ATIC: variants seen among roughly 807,000 people sequenced by gnomAD.
ATIC encodes the protein 5-aminoimidazole-4-carboxamide ribonucleotide formyltransferase/IMP cyclohydrolase, also known as bifunctional purine biosynthesis protein ATIC.
Under a neutral mutation model 72.5 loss-of-function variants are expected in ATIC, and 64 were observed. That is an observed-to-expected ratio of 0.88 (90% confidence interval 0.72 to 1.09). The LOEUF (loss-of-function observed/expected upper bound fraction) is 1.09, where lower values mean the gene tolerates loss of function less well. ATIC is among the 50% of genes least tolerant of loss of function. The pLI, the probability that ATIC is intolerant of heterozygous loss-of-function variation, is 0.00. For missense variants in ATIC, 787 were observed against 732.4 expected (o/e 1.07, Z -0.86); for synonymous variants, 281 against 267.1 (o/e 1.05, Z -0.51).
At chr2:215,351,637 T>C (rs749980151), downstream of ATIC, among the ~76,000 whole-genome samples, 2 of 152,094 alleles carry the variant, frequency 1.3e-5, no homozygotes, top group Non-Finnish European at 2.9e-5. Flanking sequence ...GTTTGTAGTA[T>C]TCTTCACATA....
chr2:215,347,440 G>T (rs942471620), intron 14 of ATIC, among the ~76,000 whole-genome samples: 35 of 152,222 alleles, frequency 2.3e-4, no homozygotes, highest in African/African-American at 7.9e-4. Flanking sequence ...TTTGAAGAAG[G>T]TATGTGGGAA....
the ATIC span, among the ~76,000 whole-genome samples, chr2:215,358,194 G>C: frequency 6.7e-6 from 1 of 149,728 alleles, no homozygotes; most frequent in African/African-American, 2.4e-5. Context: ...GATTATTAGA[G>C]CTGAAAACAA....
chr2:215,339,630 T>G (rs569022903), intron 12 of ATIC, among the ~76,000 whole-genome samples: 15 of 152,030 alleles, frequency 9.9e-5, no homozygotes, highest in Middle Eastern at 3.4e-3. Context: ...TTGATTGATT[T>G]ATTTTTTTAT....
At chr2:215,362,795 G>A in the ATIC span, 1 of 152,662 alleles carries the variant, frequency 6.6e-6, no homozygotes, top group South Asian at 2.1e-4. Flanking sequence ...AAGCTGGCAG[G>A]GGGTAAAGCA....
chr2:215,348,320 G>A (rs1253308603), intron 14 of ATIC, among the ~76,000 whole-genome samples: 1 of 152,078 alleles, frequency 6.6e-6, no homozygotes, highest in East Asian at 1.9e-4. Flanking sequence ...TGGATATAGA[G>A]GGTTTTTTTG....
chr2:215,329,513 G>T (rs552171156), intron 7 of ATIC, among the ~76,000 whole-genome samples: 1 of 152,218 alleles, frequency 6.6e-6, no homozygotes, highest in African/African-American at 2.4e-5. Context: ...TTGAGTATTT[G>T]GCAGTGATGT....
intron 12 of ATIC, among the ~76,000 whole-genome samples, chr2:215,340,763 G>A (rs2053010620): frequency 6.6e-6 from 1 of 152,130 alleles, no homozygotes; most frequent in South Asian, 2.1e-4. Flanking sequence ...GCTGAACTCG[G>A]CTTTTGTCCC....
chr2:215,334,092 A>G (rs1002915521), intron 9 of ATIC, among the ~76,000 whole-genome samples: 19 of 150,882 alleles, frequency 1.3e-4, no homozygotes, highest in Admixed American at 9.3e-4. Flanking sequence ...TGGAAACACA[A>G]TTGGAATTTG....
At chr2:215,334,845 C>T in intron 9 of ATIC, 74 bp from the exon 10 acceptor site, 4 of 1,180,566 alleles carry the variant, frequency 3.4e-6, no homozygotes, top group South Asian at 2.5e-5. Context: ...TTTTATATGA[C>T]AGTGGAGAAT....
chr2:215,324,619 G>A (rs1446030404), intron 4 of ATIC, among the ~76,000 whole-genome samples: 1 of 152,092 alleles, frequency 6.6e-6, no homozygotes, highest in South Asian at 2.1e-4. Context: ...GGCTTGTTTG[G>A]AGCCTGCCCG....
chr2:215,342,888 C>T (rs2053034861), intron 12 of ATIC, among the ~76,000 whole-genome samples: 1 of 152,200 alleles, frequency 6.6e-6, no homozygotes, highest in African/African-American at 2.4e-5. Context: ...CCATGTTGGT[C>T]AGGCTGGTCT....
chr2:215,367,558 G>A, the ATIC span: 1,037 of 399,138 alleles, frequency 2.6e-3, 6 homozygotes, highest in Non-Finnish European at 3.9e-3. Flanking sequence ...AATAGACCTG[G>A]TTCCAAAAGT....
intron 15 of ATIC, 128 bp from the exon 16 acceptor site, chr2:215,349,408 A>C (rs1054924111): frequency 6.3e-7 from 1 of 1,578,046 alleles, no homozygotes; most frequent in Non-Finnish European, 8.6e-7. Flanking sequence ...GGAGAACCCA[A>C]ATCCTGTTGT....
At chr2:215,318,294 A>G in intron 3 of ATIC, 61 bp downstream of exon 3, 9 of 1,449,090 alleles carry the variant, frequency 6.2e-6, no homozygotes, top group Non-Finnish European at 8.7e-6. Context: ...ATTTTAGTTG[A>G]TAGCGTCCTA....
At chr2:215,322,329 C>CTTT (rs762086501) in intron 4 of ATIC, among the ~76,000 whole-genome samples, 1,614 of 137,222 alleles carry the variant, frequency 0.012, 46 homozygotes, top group African/African-American at 0.042. Context: ...TATTTTCTTT[C>CTTT]TTTTTTTTTT....
chr2:215,357,592 C>T, the ATIC span, among the ~76,000 whole-genome samples: 4 of 152,114 alleles, frequency 2.6e-5, no homozygotes, highest in Non-Finnish European at 5.9e-5. Context: ...CGGCTGAAGC[C>T]CTGTTTCTCT....
At chr2:215,325,413 G>A (rs2052812335) in intron 5 of ATIC, 84 bp downstream of exon 5, 1 of 1,016,898 alleles carries the variant, frequency 9.8e-7, no homozygotes, top group Non-Finnish European at 1.5e-6. Flanking sequence ...TTTTATTACT[G>A]AGGAAATAGA....
At chr2:215,316,169 G>A (rs1485902642) in intron 2 of ATIC, among the ~76,000 whole-genome samples, 1 of 152,106 alleles carries the variant, frequency 6.6e-6, no homozygotes, top group Non-Finnish European at 1.5e-5. Flanking sequence ...CAAAGGAGTA[G>A]CAAGCTTTTT....
In ATIC at chr2:215,312,527, C is replaced by G; in HGVS notation, c.49C>G (p.Leu17Val). The change falls in exon 2 of 16, where the codon CTT becomes GTT. Residue 17 changes from leucine to valine, a missense_variant. Leu to Val is a conservative substitution (Grantham distance 32, BLOSUM62 1). Transcript: ENST00000236959. ...ALFSVSDKTG[L>V]VEFARNLTAL... Reference sequence around the variant, plus strand: ...ATTTAGTGTCTCTGACAAAACCGGCCTTGTGGAATTTGCAAGAAACCTGAC... The same window carrying G: ...ATTTAGTGTCTCTGACAAAACCGGCGTTGTGGAATTTGCAAGAAACCTGAC... 2 of 1,614,200 alleles carry G rather than the reference C, an allele frequency of 1.2e-6. No homozygotes were observed. The highest frequency in any genetic ancestry group is 1.7e-6 in the Non-Finnish European group (2 of 1,180,020).
Sources: allele counts gnomAD v4.1 joint callset (sites outside exome capture counted in the v4.1 genomes callset), GRCh38; gene constraint gnomAD v4.1.1; transcripts MANE v1.5; gene names NCBI Gene and HGNC (gene_info 2026-07-23, HGNC 2026-07-21).